PTPRO: variants seen among roughly 807,000 people sequenced by gnomAD.
PTPRO encodes the protein protein tyrosine phosphatase receptor type O.
PTPRO carries 62 observed loss-of-function variants against 145.2 expected under a neutral mutation model. That is an observed-to-expected ratio of 0.43 (90% CI 0.35 to 0.53). The LOEUF is 0.53. PTPRO is among the 20% of genes least tolerant of loss of function. The probability of loss-of-function intolerance (pLI) is 0.01; values close to 1 mark genes in which losing one functional copy is unlikely to be tolerated. For missense variants in PTPRO, 1,345 were observed against 1,482.7 expected (o/e 0.91, Z 1.53); for synonymous variants, 565 against 514.7 (o/e 1.10, Z -1.32).
intron 25 of PTPRO, among the ~76,000 whole-genome samples, chr12:15,594,470 T>C (rs1944616003): frequency 6.6e-6 from 1 of 151,874 alleles, no homozygotes; most frequent in Admixed American, 6.6e-5. Flanking sequence ...TGAAATTTGC[T>C]AGGAAAGTAG....
intron 1 of PTPRO, among the ~76,000 whole-genome samples, chr12:15,333,896 A>G (rs1025030061): frequency 7.2e-5 from 11 of 152,252 alleles, no homozygotes; most frequent in South Asian, 6.2e-4. Flanking sequence ...AATGAAGCAA[A>G]AGCATAGCTT....
chr12:15,557,415 G>C (rs1040407163), intron 15 of PTPRO, 40 bp from the exon 16 acceptor site: 1 of 1,533,348 alleles, frequency 6.5e-7, no homozygotes, highest in African/African-American at 1.4e-5. Context: ...AGAATGCTTT[G>C]TCAAGCAGTA....
intron 7 of PTPRO, among the ~76,000 whole-genome samples, chr12:15,509,556 G>A (rs1039376232): frequency 2.0e-5 from 3 of 151,728 alleles, no homozygotes; most frequent in Non-Finnish European, 4.4e-5. Flanking sequence ...AATTAGCCAG[G>A]CGTGGTGGCA....
chr12:15,588,641 C>A (rs1944479395), intron 24 of PTPRO, among the ~76,000 whole-genome samples: 1 of 152,124 alleles, frequency 6.6e-6, no homozygotes, highest in South Asian at 2.1e-4. Flanking sequence ...TAAGGCAGGT[C>A]TGGGGTGGTG....
chr12:15,403,993 G>A (rs1279967838), intron 1 of PTPRO, among the ~76,000 whole-genome samples: 3 of 151,740 alleles, frequency 2.0e-5, no homozygotes, highest in Non-Finnish European at 2.9e-5. Flanking sequence ...TCAGGAGATC[G>A]AGACCATCCT....
chr12:15,511,003 C>CAAAAAA (rs10648692), intron 7 of PTPRO, among the ~76,000 whole-genome samples: 3,812 of 105,352 alleles, frequency 0.036, 192 homozygotes, highest in African/African-American at 0.089. Context: ...TCTGTCTCCA[C>CAAAAAA]AAAAAAAAAA....
chr12:15,376,413 G>T (rs1938688864), intron 1 of PTPRO, among the ~76,000 whole-genome samples: 1 of 152,164 alleles, frequency 6.6e-6, no homozygotes, highest in African/African-American at 2.4e-5. Context: ...GAAACTGAGA[G>T]AATTTGTTAC....
At chr12:15,513,119 G>A (rs1463094102) in intron 7 of PTPRO, among the ~76,000 whole-genome samples, 1 of 32,166 alleles carries the variant, frequency 3.1e-5, no homozygotes, top group African/African-American at 1.4e-4. Context: ...AAGGAAGGAA[G>A]GAAGGAAGGA....
chr12:15,477,628 A>G (rs940058496), intron 1 of PTPRO, among the ~76,000 whole-genome samples: 1 of 152,144 alleles, frequency 6.6e-6, no homozygotes, highest in Admixed American at 6.5e-5. Flanking sequence ...GTATGGGGGC[A>G]TTAAGGAGGA....
chr12:15,519,717 G>T (rs1207534466), intron 9 of PTPRO, among the ~76,000 whole-genome samples: 1 of 152,150 alleles, frequency 6.6e-6, no homozygotes, highest in Admixed American at 6.6e-5. Context: ...GGTAAAAATT[G>T]CTCTTTCTGA....
At chr12:15,563,478 A>G (rs1393446097) in intron 17 of PTPRO, among the ~76,000 whole-genome samples, 1 of 152,116 alleles carries the variant, frequency 6.6e-6, no homozygotes, top group Non-Finnish European at 1.5e-5. Context: ...CAATCCTGTC[A>G]TGTTCCACAG....
chr12:15,340,610 C>T (rs1418189772), intron 1 of PTPRO, among the ~76,000 whole-genome samples: 1 of 152,158 alleles, frequency 6.6e-6, no homozygotes, highest in East Asian at 1.9e-4. Flanking sequence ...AGATTTGATG[C>T]TTCTGTACTC....
chr12:15,504,163 C>T (rs1289359553), intron 6 of PTPRO, 94 bp downstream of exon 6: 3 of 1,352,960 alleles, frequency 2.2e-6, no homozygotes, highest in East Asian at 4.8e-5. Flanking sequence ...TATTCACAAA[C>T]CTTAGGGATG....
intron 1 of PTPRO, among the ~76,000 whole-genome samples, chr12:15,389,925 AT>A (rs1451837583): frequency 6.6e-6 from 1 of 152,196 alleles, no homozygotes; most frequent in East Asian, 1.9e-4. Flanking sequence ...TTTAATCTAG[AT>A]CCCACACCAA....
At chr12:15,555,164 G>C (rs1013775572) in intron 15 of PTPRO, among the ~76,000 whole-genome samples, 9 of 152,116 alleles carry the variant, frequency 5.9e-5, no homozygotes, top group Non-Finnish European at 8.8e-5. Context: ...CTTGGACTTG[G>C]GGGGCGGAGG....
At chr12:15,514,227 G>C (rs1286675852) in intron 7 of PTPRO, among the ~76,000 whole-genome samples, 1 of 152,074 alleles carries the variant, frequency 6.6e-6, no homozygotes, top group Non-Finnish European at 1.5e-5. Context: ...CAGGCACGTG[G>C]ATCACCTGAG....
At position 15,565,588 on chromosome 12, in the gene PTPRO, A is replaced by G. The variant is rs1278396946; in HGVS notation, c.2712-5A>G. ...TAAATTTGTCTTTTCTTTTTTAATT[A>G]TCAGGAGTAAAAATGGTTTAAAGAA... On this transcript the variant is annotated splice_region_variant and splice_polypyrimidine_tract_variant and intron_variant, in intron 17 of 26. Coordinates refer to ENST00000281171, the MANE Select transcript of PTPRO (RefSeq NM_030667.3). 3 of 1,450,968 alleles carry G rather than the reference A, an allele frequency of 2.1e-6. No homozygotes were observed. The Admixed American group carries it at 5.1e-5, about 25-fold the overall frequency. The allele number at this position is 1,450,968 out of a possible 1,614,324, so 89.9% of individuals were successfully genotyped here.
chr12:15,414,411 G>A (rs750288943), intron 1 of PTPRO, among the ~76,000 whole-genome samples: 1 of 152,156 alleles, frequency 6.6e-6, no homozygotes, highest in Non-Finnish European at 1.5e-5. Flanking sequence ...CTCCACAAAT[G>A]TTTATTAGTC....
chr12:15,400,082 G>C (rs1158003378), intron 1 of PTPRO, among the ~76,000 whole-genome samples: 1 of 146,192 alleles, frequency 6.8e-6, no homozygotes, highest in Admixed American at 6.8e-5. Context: ...AGCCAGGTTC[G>C]AGGGTTCAAG....
Sources: gnomAD v4.1 joint callset for allele counts (sites outside exome capture counted in the v4.1 genomes callset) on GRCh38, gnomAD v4.1.1 for gene constraint, MANE v1.5 for transcripts, NCBI Gene and HGNC (gene_info 2026-07-23, HGNC 2026-07-21) for gene names.